Variants in DYNC2LI1 observed in about 807,000 individuals in gnomAD.
DYNC2LI1 encodes dynein cytoplasmic 2 light intermediate chain 1.
Under a neutral mutation model 51.9 loss-of-function variants are expected in DYNC2LI1, and 45 were observed. The observed-to-expected ratio is 0.87, with a 90% CI of 0.68 to 1.11. The LOEUF (loss-of-function observed/expected upper bound fraction) is 1.11. Among genes scored for constraint, DYNC2LI1 ranks in the 50% most tolerant of loss-of-function variants. The pLI is 0.00. For missense variants in DYNC2LI1, 490 were observed against 417.4 expected (o/e 1.17, Z -1.51); for synonymous variants, 130 against 137.8 (o/e 0.94, Z 0.40).
At chr2:43,826,715 G>T in the DYNC2LI1 span, among the ~76,000 whole-genome samples, 1 of 152,230 alleles carries the variant, frequency 6.6e-6, no homozygotes, top group South Asian at 2.1e-4. Context: ...CTAGTTCCCA[G>T]CTCTGGAGCA....
At position 43,804,692 on chromosome 2, in the gene DYNC2LI1, C is replaced by T. The variant is rs780816640; in HGVS notation, c.853C>T (p.Pro285Ser). The change falls in exon 11 of 13, where the codon CCT (proline) becomes TCT (serine). Residue 285 changes from proline (P) to serine (S), a missense_variant. Physicochemically the swap from Pro to Ser is moderately conservative, Grantham distance 74. Transcript: ENST00000260605. ...NDIGKLHAHS[P>S]MELWKKVYEK... The stretch of plus-strand genomic sequence containing the variant: ...CATTGGAAAGCTTCATGCCCACTCA[C>T]CTATGGAGTTGTGGAAAAAAGTGTA... The T allele has an allele frequency of 2.5e-6, 4 of 1,607,812 alleles. No homozygotes were observed. The highest frequency in any genetic ancestry group is 1.7e-5 in the Admixed American group (1 of 58,702).
At chr2:43,827,260 G>C in the DYNC2LI1 span, among the ~76,000 whole-genome samples, 12 of 151,596 alleles carry the variant, frequency 7.9e-5, no homozygotes, top group Admixed American at 6.6e-4. Flanking sequence ...GGGAGGTGGA[G>C]GTTGCAGTGA....
Position 43,774,137 on chromosome 2 carries a change from C to T in DYNC2LI1, c.-2C>T, listed in dbSNP as rs891835925. ...ACGTTTGCGGCAGCCAGGCCGTCGACGATGCCCAGGTATTCCCTGAACCCG... is the reference window on the plus strand; with the variant it reads ...ACGTTTGCGGCAGCCAGGCCGTCGATGATGCCCAGGTATTCCCTGAACCCG... On this transcript the variant is annotated 5_prime_UTR_variant, in exon 1 of 13. In the 5' UTR this introduces an upstream ATG that the reference lacks. Transcript: ENST00000260605. 2.5e-6 allele frequency: 4 copies of T among 1,613,932 alleles called. No homozygotes were observed. The highest frequency in any genetic ancestry group is 1.6e-4 in the Middle Eastern group (1 of 6,062).
the DYNC2LI1 span, among the ~76,000 whole-genome samples, chr2:43,816,449 A>G: frequency 1.3e-5 from 2 of 152,196 alleles, no homozygotes; most frequent in East Asian, 3.8e-4. Context: ...AGAGAAATGG[A>G]TCAGTGAAAG....
the DYNC2LI1 span, among the ~76,000 whole-genome samples, chr2:43,823,212 T>C: frequency 6.6e-6 from 1 of 152,132 alleles, no homozygotes; most frequent in African/African-American, 2.4e-5. Flanking sequence ...GAAAAGTACA[T>C]GCAAAAGGGG....
chr2:43,794,705 TCACAAA>T (rs1673955714), intron 6 of DYNC2LI1, 62 bp downstream of exon 6: 6 of 1,611,948 alleles, frequency 3.7e-6, no homozygotes, highest in Non-Finnish European at 4.2e-6. Flanking sequence ...AATGATAACA[TCACAAA>T]CAACTTCTTT....
At chr2:43,783,441 G>C in intron 2 of DYNC2LI1, 79 bp from the exon 3 acceptor site, 1 of 1,051,858 alleles carries the variant, frequency 9.5e-7, no homozygotes, top group Non-Finnish European at 1.4e-6. Context: ...AATCTATTTT[G>C]GGCCACAATT....
the DYNC2LI1 span, chr2:43,826,450 C>G: frequency 3.7e-6 from 6 of 1,614,022 alleles, no homozygotes; most frequent in African/African-American, 1.3e-5. Flanking sequence ...GCCAGTTCCA[C>G]CAGGAGGACG....
At chr2:43,795,483 C>G (rs924855670) in intron 6 of DYNC2LI1, among the ~76,000 whole-genome samples, 2 of 151,642 alleles carry the variant, frequency 1.3e-5, no homozygotes, top group Non-Finnish European at 2.9e-5. Context: ...CAGCCTGACT[C>G]CAGAGGGAGA....
At chr2:43,822,205 C>A in the DYNC2LI1 span, among the ~76,000 whole-genome samples, 2 of 152,162 alleles carry the variant, frequency 1.3e-5, no homozygotes, top group Non-Finnish European at 2.9e-5. Context: ...CTGACTTGCA[C>A]CCCCATGACT....
chr2:43,796,928 A>G (rs1665882470), intron 8 of DYNC2LI1, 133 bp downstream of exon 8: 1 of 671,170 alleles, frequency 1.5e-6, no homozygotes, highest in African/African-American at 1.8e-5. Flanking sequence ...CCACTGCTGA[A>G]GACCTCTCCT....
chr2:43,794,784 A>G (rs1401286583), intron 6 of DYNC2LI1, 141 bp downstream of exon 6: 1 of 1,510,970 alleles, frequency 6.6e-7, no homozygotes, highest in Admixed American at 2.3e-5. Context: ...GGAAAATTAC[A>G]GCAATTTATT....
chr2:43,782,696 T>C (rs145198352), intron 2 of DYNC2LI1, among the ~76,000 whole-genome samples: 1,812 of 152,206 alleles, frequency 0.012, 15 homozygotes, highest in Non-Finnish European at 0.018. Flanking sequence ...AAAAAGAAAC[T>C]TGGGGTTGGG....
intron 3 of DYNC2LI1, 101 bp downstream of exon 3, chr2:43,783,655 C>T (rs1038069471): frequency 6.0e-6 from 4 of 667,824 alleles, no homozygotes; most frequent in African/African-American, 3.8e-5. Flanking sequence ...ATTTTGAGAC[C>T]CAAACAAAAT....
chr2:43,795,166 C>T (rs1271060680), intron 6 of DYNC2LI1: 2 of 989,142 alleles, frequency 2.0e-6, no homozygotes, highest in Non-Finnish European at 2.4e-6. Context: ...TAATAAATAT[C>T]ATCATCTGGA....
the DYNC2LI1 span, among the ~76,000 whole-genome samples, chr2:43,821,005 CTT>C: frequency 0.012 from 1,856 of 152,260 alleles, 45 homozygotes; most frequent in African/African-American, 0.041. Flanking sequence ...CACCTTTCCT[CTT>C]ATATTCCTTT....
chr2:43,813,708 C>CT (rs1558715512), downstream of DYNC2LI1, among the ~76,000 whole-genome samples: 73 of 35,292 alleles, frequency 2.1e-3, no homozygotes, highest in South Asian at 5.4e-3. Flanking sequence ...TTTTTTTTTT[C>CT]GTTTTTTTTT....
intron 11 of DYNC2LI1, 21 bp from the exon 12 acceptor site, chr2:43,805,132 AT>A: frequency 6.4e-7 from 1 of 1,557,560 alleles, no homozygotes; most frequent in Non-Finnish European, 8.8e-7. Flanking sequence ...GCGTGAAGTG[AT>A]TTTGAGATTT....
the DYNC2LI1 span, chr2:43,826,479 A>G: frequency 6.2e-7 from 1 of 1,614,196 alleles, no homozygotes; most frequent in Non-Finnish European, 8.5e-7. Flanking sequence ...ATTAGCAGTC[A>G]TGCAGTCCAG....
Sources: allele counts gnomAD v4.1 joint callset (sites outside exome capture counted in the v4.1 genomes callset), GRCh38; gene constraint gnomAD v4.1.1; transcripts MANE v1.5; gene names NCBI Gene and HGNC (gene_info 2026-07-23, HGNC 2026-07-21).